The following UBE2U variants were observed in gnomAD, a reference collection of about 807,000 sequenced individuals.
UBE2U encodes the protein ubiquitin-conjugating enzyme E2 U.
In UBE2U, 39 loss-of-function variants were observed where a neutral mutation model predicts 41.2. The observed-to-expected ratio is 0.95, with a 90% CI of 0.73 to 1.24. The LOEUF (loss-of-function observed/expected upper bound fraction) is 1.24, where lower values mean the gene tolerates loss of function less well. UBE2U is among the 50% of genes most tolerant of loss of function. The pLI, the probability that UBE2U is intolerant of heterozygous loss-of-function variation, is 0.00. For missense variants in UBE2U, 336 were observed against 363.1 expected (o/e 0.93, Z 0.61); for synonymous variants, 107 against 117.8 (o/e 0.91, Z 0.60).
intron 8 of UBE2U, among the ~76,000 whole-genome samples, chr1:64,250,807 G>A (rs910310080): frequency 1.3e-5 from 2 of 150,774 alleles, no homozygotes; most frequent in African/African-American, 4.9e-5. Context: ...GCAAACTATT[G>A]CAAGGACAAA....
At chr1:64,234,189 A>G (rs1349982419) in intron 7 of UBE2U, among the ~76,000 whole-genome samples, 1 of 152,188 alleles carries the variant, frequency 6.6e-6, no homozygotes, top group East Asian at 1.9e-4. Context: ...TATGTGTATT[A>G]TAGGCATCTC....
chr1:64,205,696 G>A lies in UBE2U; in HGVS notation c.124G>A (p.Gly42Ser). ...GATGGAATGGGAAGTTGAAATTGAA[G>A]GTCTACAGAATTCAGTTTGGCAGGG... is the stretch of plus-strand genomic sequence containing the variant. ...DMMEWEVEIEGLQNSVWQGLV... is the reference protein window; with the variant it reads ...DMMEWEVEIESLQNSVWQGLV... Residue 42 changes from glycine (G) to serine (S), a missense_variant, in exon 2 of 10, where the codon GGT (glycine) becomes AGT (serine). Physicochemically the swap from Gly to Ser is moderately conservative, Grantham distance 56. Transcript: ENST00000371077. The A allele has an allele frequency of 6.2e-7, 1 of 1,612,954 alleles. No homozygotes were observed. The highest frequency in any genetic ancestry group is 8.5e-7 in the Non-Finnish European group (1 of 1,179,418).
At chr1:64,239,017 G>A (rs1644723836) in intron 7 of UBE2U, among the ~76,000 whole-genome samples, 1 of 149,478 alleles carries the variant, frequency 6.7e-6, no homozygotes, top group African/African-American at 2.5e-5. Flanking sequence ...ACTCCAGCCT[G>A]GGTGACAAAG....
chr1:64,221,686 C>T (rs1051873332), intron 6 of UBE2U, among the ~76,000 whole-genome samples: 1 of 152,178 alleles, frequency 6.6e-6, no homozygotes, highest in African/African-American at 2.4e-5. Flanking sequence ...TCAGCTTTAT[C>T]TTGATAGTCA....
At chr1:64,234,163 C>G (rs1644623338) in intron 7 of UBE2U, among the ~76,000 whole-genome samples, 2 of 152,206 alleles carry the variant, frequency 1.3e-5, no homozygotes, top group South Asian at 4.1e-4. Context: ...TATAACTGTG[C>G]AGGGGACATC....
chr1:64,210,745 A>G lies in UBE2U; in HGVS notation c.245A>G (p.Asp82Gly). ...FITIPFHPNV[D>G]PHTGQPCIDF... is the part of the protein sequence containing the mutation. ...TTAATGTATTATTTTAATACAGTAG[A>G]CCCACACACTGGTCAGCCCTGTATA... The change falls in exon 4 of 10, where the codon GAC becomes GGC. Residue 82 changes from aspartate (D) to glycine (G), a missense_variant. Physicochemically the swap from Asp to Gly is moderately conservative, Grantham distance 94 (BLOSUM62 -1). Coordinates refer to ENST00000371077, the MANE Select transcript of UBE2U (RefSeq NM_001366232.2). 1 of 1,549,958 alleles carries G rather than the reference A, an allele frequency of 6.5e-7. No individual in the cohort carries two copies. The highest frequency in any genetic ancestry group is 1.3e-5 in the South Asian group (1 of 79,242).
chr1:64,211,378 A>G (rs1176134886), intron 4 of UBE2U, among the ~76,000 whole-genome samples: 1 of 152,154 alleles, frequency 6.6e-6, no homozygotes, highest in African/African-American at 2.4e-5. Flanking sequence ...CTCAGATGCC[A>G]CCTTTACCCA....
intron 6 of UBE2U, among the ~76,000 whole-genome samples, chr1:64,226,443 A>G (rs1283993112): frequency 6.6e-6 from 1 of 152,228 alleles, no homozygotes; most frequent in Non-Finnish European, 1.5e-5. Flanking sequence ...GGTAATGCTT[A>G]TGCAGATGTA....
rs979976243 is a variant in UBE2U at position 64,257,610 on chromosome 1, G to T, written c.678-2993G>T. Among the ~76,000 whole-genome samples, 66 of 152,106 alleles carry T rather than the reference G, an allele frequency of 4.3e-4. 1 individual carries two copies. Among genetic ancestry groups the T allele is most frequent in the Non-Finnish European group, 1.6e-4 (11 of 68,024 alleles). ...GGAACAACACACACTGAGGCCTGTT[G>T]GTGAGGGGGGTGTGTTGGGGGATGG... On this transcript the variant is annotated intron_variant, in intron 8 of 9. Transcript: ENST00000371077.
intron 8 of UBE2U, among the ~76,000 whole-genome samples, chr1:64,243,127 T>A (rs571394510): frequency 2.0e-5 from 3 of 152,302 alleles, no homozygotes; most frequent in East Asian, 3.9e-4. Flanking sequence ...GGTCAAATTA[T>A]CATGTGCATA....
chr1:64,206,637 G>T, intron 2 of UBE2U, 127 bp from the exon 3 acceptor site: 1 of 608,012 alleles, frequency 1.6e-6, no homozygotes, highest in South Asian at 2.3e-5. Flanking sequence ...TGCACTCTAT[G>T]AATCAATTTA....
At chr1:64,250,206 G>T in intron 8 of UBE2U, among the ~76,000 whole-genome samples, 1 of 152,162 alleles carries the variant, frequency 6.6e-6, no homozygotes, top group Non-Finnish European at 1.5e-5. Context: ...AAATAAAAAC[G>T]TTTTTTGACC....
chr1:64,214,260 G>C (rs991122398), intron 4 of UBE2U, among the ~76,000 whole-genome samples: 6 of 152,090 alleles, frequency 3.9e-5, no homozygotes, highest in African/African-American at 1.4e-4. Flanking sequence ...CTGAGCACTT[G>C]AAATGTTACC....
Position 64,232,574 on chromosome 1 carries a change from A to C in UBE2U, c.520A>C (p.Thr174Pro). 6.2e-7 allele frequency: 1 copy of C among 1,612,122 alleles called. No individual in the cohort carries two copies. Among genetic ancestry groups the C allele is most frequent in the Non-Finnish European group, 8.5e-7 (1 of 1,179,228 alleles). ...PRKCIRPIKTTSFSDYYQTWS... is the reference protein window; with the variant it reads ...PRKCIRPIKTPSFSDYYQTWS... Reference sequence around the variant, plus strand: ...TTATATTTTCAGACCAATTAAAACAACCTCATTTAGTGATTACTACCAGAC... The same window carrying C: ...TTATATTTTCAGACCAATTAAAACACCCTCATTTAGTGATTACTACCAGAC... Residue 174 changes from threonine to proline, a missense_variant, in exon 7 of 10, where the codon ACC becomes CCC. Thr to Pro is a conservative substitution (Grantham distance 38). Coordinates refer to ENST00000371077, the MANE Select transcript of UBE2U (RefSeq NM_001366232.2).
intron 7 of UBE2U, among the ~76,000 whole-genome samples, chr1:64,239,111 G>GAAGAAGGAAGA (rs1557729888): frequency 1.1e-4 from 3 of 26,854 alleles, no homozygotes; most frequent in African/African-American, 1.0e-3. Context: ...AGAAGAAGAA[G>GAAGAAGGAAGA]AAGAAGAAGA....
At chr1:64,239,152 AG>A (rs1644765308) in intron 7 of UBE2U, among the ~76,000 whole-genome samples, 1 of 25,182 alleles carries the variant, frequency 4.0e-5, no homozygotes, top group South Asian at 2.0e-3. Flanking sequence ...AAGAAGAAGA[AG>A]AAGAAAGAAG....
chr1:64,226,535 T>A (rs1652878334), intron 6 of UBE2U, among the ~76,000 whole-genome samples: 2 of 152,216 alleles, frequency 1.3e-5, no homozygotes, highest in Admixed American at 1.3e-4. Context: ...CAATAAAATT[T>A]ATTTTAAAAA....
At chr1:64,236,824 C>A (rs1053077304) in intron 7 of UBE2U, among the ~76,000 whole-genome samples, 5 of 152,162 alleles carry the variant, frequency 3.3e-5, no homozygotes, top group Non-Finnish European at 7.4e-5. Context: ...TATCATCTGA[C>A]TCTAATGCAG....
chr1:64,253,114 G>A (rs1029817065), intron 8 of UBE2U, among the ~76,000 whole-genome samples: 4 of 152,096 alleles, frequency 2.6e-5, no homozygotes, highest in Non-Finnish European at 5.9e-5. Flanking sequence ...ACTTCACAAC[G>A]CAATCACAAG....
Sources: gnomAD v4.1 joint callset for allele counts (sites outside exome capture counted in the v4.1 genomes callset) on GRCh38, gnomAD v4.1.1 for gene constraint, MANE v1.5 for transcripts, NCBI Gene and HGNC (gene_info 2026-07-23, HGNC 2026-07-21) for gene names.